Variants in PPP2R2B observed in about 807,000 individuals in gnomAD.
The protein encoded by PPP2R2B is serine/threonine-protein phosphatase 2A 55 kDa regulatory subunit B beta isoform.
Under a neutral mutation model 46.0 loss-of-function variants are expected in PPP2R2B, and 5 were observed. That is an observed-to-expected ratio of 0.11 (90% CI 0.06 to 0.23). The LOEUF is 0.23. Among genes scored for constraint, PPP2R2B ranks in the 10% least tolerant of loss-of-function variants. The pLI, the probability that PPP2R2B is intolerant of heterozygous loss-of-function variation, is 1.00. For synonymous variants in PPP2R2B, 215 were observed against 206.7 expected (o/e 1.04, Z -0.34); for missense variants, 367 against 575.0 (o/e 0.64, Z 3.70).
chr5:146,656,614 A>G (rs1162404467), intron 5 of PPP2R2B: 1 of 152,344 alleles, frequency 6.6e-6, no homozygotes, highest in East Asian at 1.9e-4. Flanking sequence ...AGGGCACTAC[A>G]GCCCAGGACT....
At chr5:146,907,717 T>C (rs1763047732) in intron 1 of PPP2R2B, among the ~76,000 whole-genome samples, 1 of 152,368 alleles carries the variant, frequency 6.6e-6, no homozygotes, top group South Asian at 2.1e-4. Flanking sequence ...GTTTTTGTCT[T>C]TTCCCATACC....
At chr5:146,855,078 A>T (rs1760573232) in intron 2 of PPP2R2B, among the ~76,000 whole-genome samples, 1 of 152,146 alleles carries the variant, frequency 6.6e-6, no homozygotes, top group Non-Finnish European at 1.5e-5. Context: ...CATCTCATTA[A>T]AGTAACATCA....
At chr5:146,605,881 C>T (rs927455778) in intron 7 of PPP2R2B, among the ~76,000 whole-genome samples, 1 of 152,192 alleles carries the variant, frequency 6.6e-6, no homozygotes, top group Non-Finnish European at 1.5e-5. Context: ...ATTCCATAGG[C>T]TATCTTATGT....
rs1455840538 is a variant in PPP2R2B at position 147,042,115 on chromosome 5, C to T, written c.79+13550G>A. ...ACGCCCAAATCCCCACGTCTATCACCTTGTAATAGTCTTAAAGCCCCTGCA... is the reference window on the plus strand; with the variant it reads ...ACGCCCAAATCCCCACGTCTATCACTTTGTAATAGTCTTAAAGCCCCTGCA... On this transcript the variant is annotated intron_variant, in intron 1 of 8. Transcript: ENST00000336640. Among the ~76,000 whole-genome samples the T allele has an allele frequency of 3.3e-5, 5 of 152,244 alleles. No homozygotes were observed. In the East Asian group the frequency reaches 5.8e-4, roughly 18 times the overall value.
intron 2 of PPP2R2B, among the ~76,000 whole-genome samples, chr5:146,749,468 A>G (rs1383097651): frequency 6.6e-6 from 1 of 152,202 alleles, no homozygotes; most frequent in Non-Finnish European, 1.5e-5. Context: ...TGCATGTAGC[A>G]TAAGAACTCT....
At chr5:146,658,505 C>T (rs1776483328) in intron 5 of PPP2R2B, among the ~76,000 whole-genome samples, 1 of 152,158 alleles carries the variant, frequency 6.6e-6, no homozygotes, top group Non-Finnish European at 1.5e-5. Context: ...GAATACAGCT[C>T]AGTGGTACAG....
intron 2 of PPP2R2B, among the ~76,000 whole-genome samples, chr5:146,782,423 T>A (rs1475347457): frequency 6.6e-6 from 1 of 152,206 alleles, no homozygotes. Context: ...CATCTAAGTT[T>A]CCCCTAAAGC....
intron 1 of PPP2R2B, among the ~76,000 whole-genome samples, chr5:147,013,416 C>T (rs753453023): frequency 1.5e-5 from 1 of 64,540 alleles, no homozygotes; most frequent in East Asian, 2.9e-4. Flanking sequence ...AAAAAGAGCC[C>T]GCATCGCCAA....
At chr5:146,761,679 A>T (rs187371242) in intron 2 of PPP2R2B, among the ~76,000 whole-genome samples, 1 of 152,150 alleles carries the variant, frequency 6.6e-6, no homozygotes, top group East Asian at 1.9e-4. Flanking sequence ...TGGATTTTGT[A>T]GTCAGATTGC....
chr5:146,935,901 T>C (rs1273793748), intron 1 of PPP2R2B, among the ~76,000 whole-genome samples: 1 of 152,152 alleles, frequency 6.6e-6, no homozygotes, highest in African/African-American at 2.4e-5. Context: ...CCCAGCAACT[T>C]AGGCAAGTTA....
exon 1 of PPP2R2B, chr5:147,055,680 T>C: frequency 1.2e-6 from 2 of 1,611,660 alleles, no homozygotes; most frequent in Non-Finnish European, 8.5e-7. Flanking sequence ...GTGTGGCAGC[T>C]GGAAGAAAGG....
At chr5:146,617,851 C>T (rs1182812802) in intron 7 of PPP2R2B, among the ~76,000 whole-genome samples, 12 of 152,016 alleles carry the variant, frequency 7.9e-5, no homozygotes, top group African/African-American at 2.2e-4. Flanking sequence ...TGTGCCACCA[C>T]GCCCAGCTAA....
At position 146,878,166 on chromosome 5, in the gene PPP2R2B, G is replaced by C. The variant is rs981214749; in HGVS notation, c.-95C>G. On this transcript the variant is annotated 5_prime_UTR_variant, in exon 2 of 10. Coordinates refer to ENST00000394411, the MANE Select transcript of PPP2R2B (RefSeq NM_181675.4). The surrounding 1 kb of genome is among the most constrained non-coding windows in gnomAD (Gnocchi z 4.5). The stretch of plus-strand genomic sequence containing the variant: ...AGTCTCACAGGAGAGGGGGGCAGGG[G>C]AGCCAGTGGGACTGCACCATGGTCC... 19 of 1,602,322 alleles carry C rather than the reference G, an allele frequency of 1.2e-5. No homozygotes were observed. The African/African-American group carries it at 2.0e-4, about 17-fold the overall frequency.
intron 1 of PPP2R2B, among the ~76,000 whole-genome samples, chr5:146,909,766 A>G (rs186858029): frequency 6.6e-6 from 1 of 152,240 alleles, no homozygotes; most frequent in African/African-American, 2.4e-5. Context: ...TTCAATTAGA[A>G]TAGATTTAAG....
rs574645331 is a variant in PPP2R2B at position 147,070,967 on chromosome 5, C to T, written c.50+10092G>A. Among the ~76,000 whole-genome samples the T allele has an allele frequency of 7.2e-5, 11 of 151,752 alleles. No homozygotes were observed. The South Asian group carries it at 1.5e-3, about 20-fold the overall frequency. On this transcript the variant is annotated intron_variant, in intron 2 of 10. Transcript: ENST00000394413. ...ATTATGCCACTGCACTCCAGCCTGG[C>T]GACAGAGCGAGACTCCGTCTTGAAA...
chr5:146,889,907 G>T (rs928522971), intron 1 of PPP2R2B, among the ~76,000 whole-genome samples: 1 of 152,182 alleles, frequency 6.6e-6, no homozygotes, highest in Non-Finnish European at 1.5e-5. Flanking sequence ...AGAGCATTAG[G>T]TCTAGCCCGT....
chr5:146,766,422 G>A (rs961522117), intron 2 of PPP2R2B, among the ~76,000 whole-genome samples: 2 of 152,158 alleles, frequency 1.3e-5, no homozygotes, highest in African/African-American at 4.8e-5. Context: ...GTGGCTAAAT[G>A]CCTAAGCCAG....
chr5:146,919,673 G>A (rs1040742226), intron 1 of PPP2R2B: 1 of 152,156 alleles, frequency 6.6e-6, no homozygotes, highest in Non-Finnish European at 1.5e-5. Context: ...GGGTGCCCCT[G>A]AAGGACTCAC....
At chr5:146,671,585 T>A (rs6886623) in intron 5 of PPP2R2B, among the ~76,000 whole-genome samples, 184 of 152,314 alleles carry the variant, frequency 1.2e-3, no homozygotes, top group African/African-American at 4.3e-3. Context: ...TCAAACACAT[T>A]GTGTAATTTA....
Sources: gnomAD v4.1 joint callset for allele counts (sites outside exome capture counted in the v4.1 genomes callset) on GRCh38, gnomAD v4.1.1 for gene constraint, Gnocchi (gnomAD v3.1) non-coding constraint, MANE v1.5 for transcripts, NCBI Gene and HGNC (gene_info 2026-07-23, HGNC 2026-07-21) for gene names.